Variants in PRKCE observed in about 807,000 individuals in gnomAD.
The protein encoded by PRKCE is protein kinase C epsilon type.
In PRKCE, 16 loss-of-function variants were observed where a neutral mutation model predicts 85.4. That is an observed-to-expected ratio of 0.19 (90% confidence interval 0.13 to 0.28). The LOEUF (loss-of-function observed/expected upper bound fraction) is 0.28. Among genes scored for constraint, PRKCE ranks in the 10% least tolerant of loss-of-function variants. The pLI is 1.00. For synonymous variants in PRKCE, 388 were observed against 371.5 expected (o/e 1.04, Z -0.51); for missense variants, 573 against 975.2 (o/e 0.59, Z 5.49).
At chr2:46,037,088 C>T (rs1397519993) in intron 10 of PRKCE, among the ~76,000 whole-genome samples, 1 of 152,188 alleles carries the variant, frequency 6.6e-6, no homozygotes, top group African/African-American at 2.4e-5. Flanking sequence ...CATTTGCTGA[C>T]TCAGATTTTC....
chr2:45,952,874 G>C (rs1002765902), intron 2 of PRKCE, among the ~76,000 whole-genome samples: 3 of 152,102 alleles, frequency 2.0e-5, no homozygotes, highest in Non-Finnish European at 2.9e-5. Context: ...TTTTCAACGA[G>C]CTTATAAATT....
At chr2:45,975,449 C>G (rs1702383980) in intron 2 of PRKCE, among the ~76,000 whole-genome samples, 1 of 152,138 alleles carries the variant, frequency 6.6e-6, no homozygotes, top group African/African-American at 2.4e-5. Context: ...CTTCCTTGCT[C>G]ACATGACAGA....
intron 1 of PRKCE, among the ~76,000 whole-genome samples, chr2:45,816,852 G>T (rs2105304408): frequency 6.6e-6 from 1 of 152,232 alleles, no homozygotes; most frequent in South Asian, 2.1e-4. Flanking sequence ...GTGAACAAGG[G>T]GATCGGCTTA....
intron 7 of PRKCE, among the ~76,000 whole-genome samples, chr2:46,003,606 A>T (rs942780189): frequency 4.6e-5 from 7 of 152,248 alleles, no homozygotes; most frequent in Non-Finnish European, 1.5e-5. Context: ...ACATAAAGAT[A>T]CTAACTATAA....
At chr2:46,102,114 G>A (rs574051397) in intron 11 of PRKCE, among the ~76,000 whole-genome samples, 9 of 152,106 alleles carry the variant, frequency 5.9e-5, no homozygotes, top group Non-Finnish European at 1.2e-4. Context: ...CTTGAAATCA[G>A]CCATGATGGT....
chr2:45,864,623 A>G (rs570286330), intron 2 of PRKCE, among the ~76,000 whole-genome samples: 3 of 152,340 alleles, frequency 2.0e-5, no homozygotes, highest in African/African-American at 4.8e-5. Context: ...TGAAGAGTAT[A>G]GGGAGCATAG....
At chr2:45,670,403 T>G (rs540529734) in intron 1 of PRKCE, among the ~76,000 whole-genome samples, 2 of 152,346 alleles carry the variant, frequency 1.3e-5, no homozygotes, top group East Asian at 1.9e-4. Context: ...ATCAATTGCG[T>G]GGATCTCTAC....
rs1157145497 is a variant in PRKCE at position 45,897,126 on chromosome 2, T to C, written c.412+54063T>C. Among the ~76,000 whole-genome samples the C allele has an allele frequency of 3.3e-5, 5 of 152,178 alleles. No homozygotes were observed. In the East Asian group the frequency reaches 9.6e-4, roughly 29 times the overall value. ...ATAACTGCATTGGTAGTATTAAATA[T>C]AACATAATATGAAATATCTAAAACT... is the stretch of plus-strand genomic sequence containing the variant. On this transcript the variant is annotated intron_variant, in intron 2 of 14. Coordinates refer to ENST00000306156, the MANE Select transcript of PRKCE (RefSeq NM_005400.3).
At chr2:46,111,835 G>A (rs1157538360) in intron 11 of PRKCE, among the ~76,000 whole-genome samples, 6 of 152,166 alleles carry the variant, frequency 3.9e-5, no homozygotes, top group African/African-American at 1.4e-4. Context: ...ACCTAGGAGT[G>A]GACTTGCTGG....
chr2:45,848,089 G>T (rs948336213), intron 2 of PRKCE, among the ~76,000 whole-genome samples: 9 of 152,172 alleles, frequency 5.9e-5, no homozygotes, highest in African/African-American at 1.9e-4. Context: ...TACCTCCAGG[G>T]CTGAAATCAA....
chr2:45,892,139 T>A (rs983320536), intron 2 of PRKCE, among the ~76,000 whole-genome samples: 1 of 152,234 alleles, frequency 6.6e-6, no homozygotes, highest in African/African-American at 2.4e-5. Flanking sequence ...TCAATGGTTC[T>A]GTTTTCCAGA....
chr2:45,681,204 G>A (rs1226043295), intron 1 of PRKCE, among the ~76,000 whole-genome samples: 8 of 140,226 alleles, frequency 5.7e-5, no homozygotes, highest in African/African-American at 1.1e-4. Flanking sequence ...CAGGAGAAGC[G>A]CTTGAACCCA....
intron 1 of PRKCE, among the ~76,000 whole-genome samples, chr2:45,830,778 A>G (rs1021040747): frequency 6.6e-6 from 1 of 152,374 alleles, no homozygotes; most frequent in Non-Finnish European, 1.5e-5. Context: ...CATTGACAAT[A>G]TTGATGTTAG....
chr2:46,009,208 C>T (rs1167530118), intron 9 of PRKCE, among the ~76,000 whole-genome samples: 3 of 152,112 alleles, frequency 2.0e-5, no homozygotes, highest in Non-Finnish European at 2.9e-5. Context: ...TAAAGGCAAA[C>T]AAGGACAGAT....
At chr2:46,147,944 T>A (rs778111860) in intron 12 of PRKCE, among the ~76,000 whole-genome samples, 1 of 152,232 alleles carries the variant, frequency 6.6e-6, no homozygotes, top group Non-Finnish European at 1.5e-5. Flanking sequence ...CTTCCCTACC[T>A]ACCTCATCAA....
At chr2:45,817,431 C>T (rs1261388381) in intron 1 of PRKCE, among the ~76,000 whole-genome samples, 5 of 152,132 alleles carry the variant, frequency 3.3e-5, no homozygotes, top group Non-Finnish European at 5.9e-5. Flanking sequence ...CGGTGGCTCA[C>T]GCTTGTAATC....
chr2:46,040,851 C>T (rs1348321754), intron 10 of PRKCE, among the ~76,000 whole-genome samples: 1 of 152,186 alleles, frequency 6.6e-6, no homozygotes, highest in Admixed American at 6.5e-5. Flanking sequence ...AACCTTTGTA[C>T]TCTGAAAATC....
rs114555200 is a variant in PRKCE at position 45,864,609 on chromosome 2, C to G, written c.412+21546C>G. Among the ~76,000 whole-genome samples, 668 of 152,276 alleles carry G rather than the reference C, an allele frequency of 4.4e-3. 9 individuals carry two copies. Among genetic ancestry groups the G allele is most frequent in the African/African-American group, 0.016 (645 of 41,542 alleles). On this transcript the variant is annotated intron_variant, in intron 2 of 14. Coordinates refer to ENST00000306156, the MANE Select transcript of PRKCE (RefSeq NM_005400.3). ...TGAACATCGGTTATTGGTTTGTGCTCTTCTGAAGAGTATAGGGAGCATAGG... is the reference window on the plus strand; with the variant it reads ...TGAACATCGGTTATTGGTTTGTGCTGTTCTGAAGAGTATAGGGAGCATAGG...
At chr2:45,712,120 C>A (rs1400009181) in intron 1 of PRKCE, among the ~76,000 whole-genome samples, 1 of 149,960 alleles carries the variant, frequency 6.7e-6, no homozygotes, top group Admixed American at 6.6e-5. Context: ...TGACCTCTTG[C>A]CACTCTACGG....
Sources: gnomAD v4.1 joint callset for allele counts (sites outside exome capture counted in the v4.1 genomes callset) on GRCh38, gnomAD v4.1.1 for gene constraint, MANE v1.5 for transcripts, NCBI Gene and HGNC (gene_info 2026-07-23, HGNC 2026-07-21) for gene names.